Variants in ZNF469 observed in about 807,000 individuals in gnomAD.
ZNF469 encodes the protein zinc finger protein 469.
A neutral mutation model predicts 1.0 loss-of-function variants in ZNF469; 1 was observed. The observed-to-expected ratio is 1.00, with a 90% CI of 0.35 to 4.73. ZNF469 has a LOEUF of 4.73. Among genes scored for constraint, ZNF469 ranks in the 30% most tolerant of loss-of-function variants. ZNF469 has a pLI of 0.16. For missense variants in ZNF469, 6,100 were observed against 5,356.3 expected, an observed-to-expected ratio of 1.14 and a Z score of -4.33; for synonymous variants, 2,703 against 2,363.4, an observed-to-expected ratio of 1.14 and a Z score of -4.17.
the ZNF469 span, among the ~76,000 whole-genome samples, chr16:88,208,997 C>G: frequency 2.6e-5 from 4 of 152,020 alleles, no homozygotes; most frequent in African/African-American, 9.7e-5. Flanking sequence ...CATTGCTAAC[C>G]CACCCCACTG....
the ZNF469 span, among the ~76,000 whole-genome samples, chr16:88,348,251 G>A: frequency 1.3e-5 from 2 of 152,152 alleles, no homozygotes; most frequent in Non-Finnish European, 2.9e-5. Flanking sequence ...TGGTGGCTGC[G>A]GGAGCTCCCT....
At chr16:88,383,340 G>T (rs2092530240) in intron 1 of ZNF469, among the ~76,000 whole-genome samples, 86 bp downstream of exon 1, 1 of 147,662 alleles carries the variant, frequency 6.8e-6, no homozygotes, top group East Asian at 2.0e-4. Context: ...CGGGCTGCGC[G>T]GGGGTCTCCG....
At chr16:88,170,737 G>A in the ZNF469 span, among the ~76,000 whole-genome samples, 4 of 152,300 alleles carry the variant, frequency 2.6e-5, no homozygotes, top group South Asian at 2.1e-4. The surrounding 1 kb of genome is among the most constrained non-coding windows in gnomAD (Gnocchi z 4.2). Context: ...GGGCCGACAC[G>A]TCTCAATGTT....
At chr16:88,253,967 T>G in the ZNF469 span, among the ~76,000 whole-genome samples, 1 of 152,250 alleles carries the variant, frequency 6.6e-6, no homozygotes, top group Non-Finnish European at 1.5e-5. Flanking sequence ...GTAGCTTTTT[T>G]TTTTCCATTT....
the ZNF469 span, among the ~76,000 whole-genome samples, chr16:88,185,708 C>A: frequency 6.6e-6 from 1 of 150,736 alleles, no homozygotes; most frequent in South Asian, 2.1e-4. Flanking sequence ...CACTCACACA[C>A]GTGAATATAG....
At chr16:88,411,473 CAAGCAGGCAGGGGTGCGAGCGGGCAGGGG>C (rs1905161299) in intron 1 of ZNF469, among the ~76,000 whole-genome samples, 2 of 4,632 alleles carry the variant, frequency 4.3e-4, no homozygotes, top group Non-Finnish European at 9.5e-4. Flanking sequence ...GGCAGGGGTG[CAAGCAGGCAGGGGTGCGAGCGGGCAGGGG>C]TGCAAGCAGG....
chr16:88,187,392 G>A, the ZNF469 span, among the ~76,000 whole-genome samples: 5 of 152,346 alleles, frequency 3.3e-5, no homozygotes, highest in East Asian at 7.7e-4. Context: ...TGATAAAAAT[G>A]CAGATGAAAT....
the ZNF469 span, among the ~76,000 whole-genome samples, chr16:88,286,067 C>G: frequency 1.3e-5 from 2 of 152,274 alleles, no homozygotes; most frequent in East Asian, 1.9e-4. Flanking sequence ...TCCCAGCCCA[C>G]TCGGTGCCTC....
At chr16:88,195,585 T>G in the ZNF469 span, among the ~76,000 whole-genome samples, 1 of 152,026 alleles carries the variant, frequency 6.6e-6, no homozygotes, top group Non-Finnish European at 1.5e-5. Flanking sequence ...TGTCTTGGGG[T>G]GAGAGTCTCT....
chr16:88,326,119 T>G, the ZNF469 span, among the ~76,000 whole-genome samples: 1 of 152,266 alleles, frequency 6.6e-6, no homozygotes, highest in South Asian at 2.1e-4. Flanking sequence ...TGTGATATGG[T>G]TTGGCTGTGT....
chr16:88,360,542 A>G, the ZNF469 span, among the ~76,000 whole-genome samples: 17 of 119,414 alleles, frequency 1.4e-4, no homozygotes, highest in African/African-American at 4.7e-4. Flanking sequence ...ATGCTCCCTC[A>G]AAGGCAGTCC....
the ZNF469 span, among the ~76,000 whole-genome samples, chr16:88,273,520 G>A: frequency 2.6e-5 from 4 of 152,180 alleles, no homozygotes; most frequent in South Asian, 2.1e-4. Context: ...TGGCAAGGAC[G>A]TAGGGACACT....
chr16:88,346,397 C>T, the ZNF469 span, among the ~76,000 whole-genome samples: 3 of 152,256 alleles, frequency 2.0e-5, no homozygotes, highest in Non-Finnish European at 2.9e-5. Flanking sequence ...AACTCCAGGT[C>T]GGCTGCCCGG....
chr16:88,306,873 G>C, the ZNF469 span, among the ~76,000 whole-genome samples: 1 of 152,182 alleles, frequency 6.6e-6, no homozygotes, highest in South Asian at 2.1e-4. Flanking sequence ...TACCATAAAA[G>C]TCATTCTTTT....
At chr16:88,181,352 G>T in the ZNF469 span, among the ~76,000 whole-genome samples, 3 of 152,104 alleles carry the variant, frequency 2.0e-5, no homozygotes, top group Admixed American at 6.5e-5. Flanking sequence ...TGACAGGCGT[G>T]AGCCACCACT....
Position 88,407,506 on chromosome 16 carries a change from G to A in ZNF469, c.-191-17301G>A, listed in dbSNP as rs181642543. On this transcript the variant is annotated intron_variant, in intron 1 of 2. Coordinates refer to ENST00000565624, the MANE Select transcript of ZNF469 (RefSeq NM_001367624.2). ...TTTAGTGAGAAATCACCAGGTGTCG[G>A]ACACCGAACGAGGCCGTGTGCATCC... Among the ~76,000 whole-genome samples the A allele has an allele frequency of 4.8e-3, 726 of 152,352 alleles. 3 individuals carry two copies. Among genetic ancestry groups the A allele is most frequent in the South Asian group, 9.5e-3 (46 of 4,830 alleles).
the ZNF469 span, among the ~76,000 whole-genome samples, chr16:88,119,301 C>G: frequency 6.6e-6 from 1 of 152,234 alleles, no homozygotes; most frequent in Non-Finnish European, 1.5e-5. Context: ...CTCCCTCCCT[C>G]GCTTCATCCC....
At chr16:88,211,526 T>C in the ZNF469 span, among the ~76,000 whole-genome samples, 10 of 152,202 alleles carry the variant, frequency 6.6e-5, no homozygotes, top group Admixed American at 6.5e-4. Context: ...ACACATGGTA[T>C]AGACCCTGGG....
At chr16:88,338,790 C>T in the ZNF469 span, among the ~76,000 whole-genome samples, 2 of 152,184 alleles carry the variant, frequency 1.3e-5, no homozygotes, top group Non-Finnish European at 2.9e-5. Context: ...GCGATACAGG[C>T]ACAGGCCACA....
Sources: allele counts gnomAD v4.1 joint callset (sites outside exome capture counted in the v4.1 genomes callset), GRCh38; gene constraint gnomAD v4.1.1; non-coding constraint Gnocchi (gnomAD v3.1); transcripts MANE v1.5; gene names NCBI Gene and HGNC (gene_info 2026-07-23, HGNC 2026-07-21).